FHIT: variants seen among roughly 807,000 people sequenced by gnomAD.
FHIT encodes the protein fragile histidine triad diadenosine triphosphatase, also known as bis(5'-adenosyl)-triphosphatase.
In FHIT, 19 loss-of-function variants were observed where a neutral mutation model predicts 17.9. That is an observed-to-expected ratio of 1.06 (90% CI 0.74 to 1.56). The LOEUF (loss-of-function observed/expected upper bound fraction) is 1.56. FHIT is among the 40% of genes most tolerant of loss of function. The pLI, the probability that FHIT is intolerant of heterozygous loss-of-function variation, is 0.00. For synonymous variants in FHIT, 81 were observed against 69.7 expected (o/e 1.16, Z -0.81); for missense variants, 248 against 189.2 (o/e 1.31, Z -1.82).
At chr3:60,361,827 C>A (rs542452453) in intron 5 of FHIT, among the ~76,000 whole-genome samples, 1 of 152,278 alleles carries the variant, frequency 6.6e-6, no homozygotes, top group East Asian at 1.9e-4. Context: ...GAGGATAAAT[C>A]TTTTTGAGGG....
At chr3:60,879,436 A>G (rs1336958563) in intron 3 of FHIT, among the ~76,000 whole-genome samples, 2 of 152,158 alleles carry the variant, frequency 1.3e-5, no homozygotes, top group African/African-American at 4.8e-5. Flanking sequence ...TGCAAAAGCC[A>G]CTCTAGAAAG....
chr3:60,176,478 G>A (rs1235227526), intron 5 of FHIT, among the ~76,000 whole-genome samples: 1 of 152,122 alleles, frequency 6.6e-6, no homozygotes, highest in Non-Finnish European at 1.5e-5. Flanking sequence ...TTTCATAAGG[G>A]CAATCAAAAT....
chr3:59,919,548 C>T (rs1705302883), intron 8 of FHIT, among the ~76,000 whole-genome samples: 1 of 152,160 alleles, frequency 6.6e-6, no homozygotes, highest in Non-Finnish European at 1.5e-5. Context: ...CAGACCCAAC[C>T]ACCTTTCTTA....
At chr3:60,966,567 C>A (rs570543578) in intron 3 of FHIT, among the ~76,000 whole-genome samples, 2 of 152,186 alleles carry the variant, frequency 1.3e-5, no homozygotes, top group East Asian at 3.9e-4. Flanking sequence ...ATCTTGGAAC[C>A]TCCTCCCATG....
At chr3:60,238,447 C>CA (rs374701930) in intron 5 of FHIT, among the ~76,000 whole-genome samples, 6,771 of 117,502 alleles carry the variant, frequency 0.058, 730 homozygotes, top group African/African-American at 0.2. Context: ...CTGTACTAAG[C>CA]AAAAAAAAAA....
At chr3:61,030,055 T>C (rs2032935220) in intron 3 of FHIT, among the ~76,000 whole-genome samples, 1 of 152,194 alleles carries the variant, frequency 6.6e-6, no homozygotes, top group African/African-American at 2.4e-5. Context: ...CTGCAACCTT[T>C]GCGTCCCAGA....
At chr3:60,540,507 C>G (rs1331118241) in intron 4 of FHIT, among the ~76,000 whole-genome samples, 1 of 152,178 alleles carries the variant, frequency 6.6e-6, no homozygotes, top group Non-Finnish European at 1.5e-5. Context: ...TACGTAACAT[C>G]CAAATTCTTC....
rs781913009 is a variant in FHIT, at chr3:60,775,865, C to T, written c.-18+46054G>A. The stretch of plus-strand genomic sequence containing the variant: ...TCACTCCTGGCTGTCCCAGCCTTCC[C>T]CTTCCCTGGCCAAGGGATGTAACTC... On this transcript the variant is annotated intron_variant, in intron 4 of 9. Transcript: ENST00000492590. 3.8e-4 allele frequency among the ~76,000 whole-genome samples: 58 copies of T among 152,150 alleles called. 1 individual carries two copies. Among genetic ancestry groups the T allele is most frequent in the Middle Eastern group, 3.2e-3 (1 of 316 alleles).
chr3:60,800,217 C>A (rs1175763942), intron 4 of FHIT, among the ~76,000 whole-genome samples: 1 of 152,228 alleles, frequency 6.6e-6, no homozygotes, highest in Non-Finnish European at 1.5e-5. Flanking sequence ...TTCAAACACA[C>A]TTCTCTCAAC....
intron 5 of FHIT, among the ~76,000 whole-genome samples, chr3:60,359,778 T>C (rs1699829593): frequency 6.6e-6 from 1 of 152,136 alleles, no homozygotes; most frequent in African/African-American, 2.4e-5. Context: ...CCAACCACTG[T>C]CTTCCCTAAA....
chr3:60,370,024 A>T (rs956972685), intron 5 of FHIT, among the ~76,000 whole-genome samples: 12 of 152,230 alleles, frequency 7.9e-5, no homozygotes, highest in Admixed American at 1.3e-4. Flanking sequence ...GTATTATCCT[A>T]ATAGACAAAA....
intron 2 of FHIT, among the ~76,000 whole-genome samples, chr3:61,169,783 A>G (rs1327313437): frequency 6.6e-6 from 1 of 152,238 alleles, no homozygotes; most frequent in Non-Finnish European, 1.5e-5. Context: ...CAGTATTGCA[A>G]CAGGGGAGAG....
At chr3:60,464,248 G>A (rs886116410) in intron 5 of FHIT, among the ~76,000 whole-genome samples, 4 of 152,106 alleles carry the variant, frequency 2.6e-5, no homozygotes, top group Non-Finnish European at 4.4e-5. Flanking sequence ...TATAAGATAT[G>A]TTGTAGGTAC....
chr3:59,915,674 T>TC (rs1705100047), intron 8 of FHIT, among the ~76,000 whole-genome samples: 1 of 152,182 alleles, frequency 6.6e-6, no homozygotes, highest in African/African-American at 2.4e-5. Context: ...GCACAGTGGC[T>TC]CATGCCTATA....
chr3:60,235,577 T>C (rs936827573), intron 5 of FHIT, among the ~76,000 whole-genome samples: 2 of 152,102 alleles, frequency 1.3e-5, no homozygotes, highest in African/African-American at 4.8e-5. Flanking sequence ...TTTGAGAAAC[T>C]CAAGAAGGAA....
intron 5 of FHIT, among the ~76,000 whole-genome samples, chr3:60,201,945 T>A (rs1168796023): frequency 6.6e-6 from 1 of 152,132 alleles, no homozygotes; most frequent in Non-Finnish European, 1.5e-5. Flanking sequence ...CTCTTACCAG[T>A]AAGTTCTCCA....
intron 4 of FHIT, among the ~76,000 whole-genome samples, chr3:60,804,329 G>A (rs1467195740): frequency 1.3e-5 from 2 of 152,078 alleles, no homozygotes; most frequent in Non-Finnish European, 2.9e-5. Context: ...TTGAAACTCC[G>A]CATCTTGCAC....
chr3:60,921,117 G>C (rs1707257884), intron 3 of FHIT, among the ~76,000 whole-genome samples: 1 of 152,162 alleles, frequency 6.6e-6, no homozygotes, highest in African/African-American at 2.4e-5. Flanking sequence ...AGTCTAAAAA[G>C]TGCTAAGACT....
At chr3:60,241,429 T>C (rs1350890119) in intron 5 of FHIT, among the ~76,000 whole-genome samples, 1 of 152,276 alleles carries the variant, frequency 6.6e-6, no homozygotes, top group Middle Eastern at 3.4e-3. Flanking sequence ...TAATTTTCCA[T>C]TAATAAGCAC....
Sources: gnomAD v4.1 joint callset for allele counts (sites outside exome capture counted in the v4.1 genomes callset) on GRCh38, gnomAD v4.1.1 for gene constraint, MANE v1.5 for transcripts, NCBI Gene and HGNC (gene_info 2026-07-23, HGNC 2026-07-21) for gene names.